The following PTPRQ variants were observed in gnomAD, a reference collection of about 807,000 sequenced individuals.
PTPRQ encodes the protein protein tyrosine phosphatase receptor type Q.
PTPRQ carries 199 observed loss-of-function variants against 246.0 expected under a neutral mutation model. The ratio of observed to expected loss-of-function variants is 0.81; its 90% CI spans 0.72 to 0.91. PTPRQ has a LOEUF of 0.91. PTPRQ is among the 40% of genes least tolerant of loss of function. The pLI, the probability that PTPRQ is intolerant of heterozygous loss-of-function variation, is 0.00. For missense variants in PTPRQ, 2,624 were observed against 2,528.4 expected (o/e 1.04, Z -0.81); for synonymous variants, 869 against 853.2 (o/e 1.02, Z -0.32).
chr12:80,639,817 G>A (rs1899790132), intron 35 of PTPRQ, among the ~76,000 whole-genome samples: 1 of 152,148 alleles, frequency 6.6e-6, no homozygotes, highest in African/African-American at 2.4e-5. Flanking sequence ...AATAGCTACT[G>A]TTTATGAGCA....
chr12:80,665,705 A>G (rs1900765112), intron 39 of PTPRQ, among the ~76,000 whole-genome samples: 1 of 152,056 alleles, frequency 6.6e-6, no homozygotes, highest in Non-Finnish European at 1.5e-5. Context: ...TATTCATCCA[A>G]CAAGGGATTA....
At position 80,463,238 on chromosome 12, in the gene PTPRQ, A is replaced by G. The variant is rs1020690529; in HGVS notation, c.910+2336A>G. Reference sequence around the variant, plus strand: ...GAAGAATGCAGAAGCATCAGGAGCCAATGCAATCAACTGGGAGAAAGGGTA... The same window carrying G: ...GAAGAATGCAGAAGCATCAGGAGCCGATGCAATCAACTGGGAGAAAGGGTA... On this transcript the variant is annotated intron_variant, in intron 6 of 44. Transcript: ENST00000644991. Among the ~76,000 whole-genome samples, 11 of 152,230 alleles carry G rather than the reference A, an allele frequency of 7.2e-5. No individual in the cohort carries two copies. The East Asian group carries it at 1.5e-3, about 21-fold the overall frequency.
intron 14 of PTPRQ, among the ~76,000 whole-genome samples, chr12:80,498,513 A>G (rs754678388): frequency 2.2e-4 from 33 of 152,056 alleles, no homozygotes; most frequent in Non-Finnish European, 4.4e-4. Flanking sequence ...GCCTAATGGC[A>G]CCAGCTGGAA....
intron 38 of PTPRQ, among the ~76,000 whole-genome samples, chr12:80,654,195 A>T (rs1223894580): frequency 6.6e-6 from 1 of 152,014 alleles, no homozygotes; most frequent in Non-Finnish European, 1.5e-5. Flanking sequence ...TCCTGGGTTC[A>T]AGCAATCTCC....
intron 35 of PTPRQ, among the ~76,000 whole-genome samples, chr12:80,635,931 T>C (rs1168392161): frequency 1.3e-5 from 2 of 152,212 alleles, no homozygotes; most frequent in Non-Finnish European, 2.9e-5. Flanking sequence ...TGGCATCAAA[T>C]GTCTTGGACT....
chr12:80,548,731 A>G (rs894478978), intron 24 of PTPRQ, among the ~76,000 whole-genome samples: 6 of 152,116 alleles, frequency 3.9e-5, no homozygotes, highest in African/African-American at 1.2e-4. Flanking sequence ...TAATGCCACC[A>G]TTAGGGGACA....
intron 8 of PTPRQ, among the ~76,000 whole-genome samples, chr12:80,483,086 T>C (rs1894131400): frequency 8.0e-6 from 1 of 124,692 alleles, no homozygotes; most frequent in African/African-American, 3.4e-5. Context: ...CGTATGTTTA[T>C]TGTGGCACTA....
At chr12:80,483,901 A>G (rs1321041045) in intron 8 of PTPRQ, among the ~76,000 whole-genome samples, 1 of 152,188 alleles carries the variant, frequency 6.6e-6, no homozygotes, top group Non-Finnish European at 1.5e-5. Context: ...ATGTCCCTGC[A>G]AAGGACATGA....
At position 80,463,364 on chromosome 12, in the gene PTPRQ, A is replaced by G. The variant is rs184104829; in HGVS notation, c.910+2462A>G. ...CAAACCCTCCAAGAAATACGGGACT[A>G]TGTGAAAAGACCAAATCTACGTATG... On this transcript the variant is annotated intron_variant, in intron 6 of 44. Transcript: ENST00000644991. Among the ~76,000 whole-genome samples the G allele has an allele frequency of 5.1e-3, 780 of 152,348 alleles. 8 individuals carry two copies. The highest frequency in any genetic ancestry group is 0.018 in the African/African-American group (740 of 41,570).
At position 80,462,082 on chromosome 12, in the gene PTPRQ, C is replaced by T. The variant is rs1038545363; in HGVS notation, c.910+1180C>T. 1.8e-5 allele frequency: 12 copies of T among 665,970 alleles called. No individual in the cohort carries two copies. In the African/African-American group the frequency reaches 2.2e-4, roughly 12 times the overall value. The allele number at this position is 665,970 out of a possible 1,614,324, so 41.3% of individuals were successfully genotyped here. A position where few individuals can be genotyped will look rare whatever the true frequency, so the allele number is the denominator to read the frequency against. ...GAGGCATTGCCTCACTTGGGGAGCACAAGGGGTCAGGGAGTTCCCTTTCCT... is the reference window on the plus strand; with the variant it reads ...GAGGCATTGCCTCACTTGGGGAGCATAAGGGGTCAGGGAGTTCCCTTTCCT... On this transcript the variant is annotated intron_variant, in intron 6 of 44. Coordinates refer to ENST00000644991, the MANE Select transcript of PTPRQ (RefSeq NM_001145026.2).
chr12:80,635,203 G>C, intron 35 of PTPRQ, 130 bp downstream of exon 35: 3 of 1,362,704 alleles, frequency 2.2e-6, no homozygotes, highest in Non-Finnish European at 2.9e-6. Context: ...CTTTCAAAGA[G>C]TGACCTCCGT....
At chr12:80,581,545 G>A (rs1347655573) in intron 25 of PTPRQ, among the ~76,000 whole-genome samples, 3 of 152,032 alleles carry the variant, frequency 2.0e-5, no homozygotes, top group African/African-American at 7.3e-5. Context: ...TGGGTTGGGA[G>A]GGTCATATGA....
intron 25 of PTPRQ, among the ~76,000 whole-genome samples, chr12:80,575,706 G>A (rs997356501): frequency 1.3e-5 from 2 of 151,826 alleles, no homozygotes; most frequent in Admixed American, 1.3e-4. Flanking sequence ...AGGTGTGGTG[G>A]CACATGCCTG....
chr12:80,559,591 C>T (rs1353771873), intron 25 of PTPRQ, among the ~76,000 whole-genome samples: 25 of 151,870 alleles, frequency 1.6e-4, no homozygotes, highest in Admixed American at 1.6e-3. Context: ...AATAATGTTC[C>T]AATTTAAGTT....
intron 6 of PTPRQ, among the ~76,000 whole-genome samples, chr12:80,461,690 T>C (rs1239295821): frequency 6.7e-6 from 1 of 150,224 alleles, no homozygotes; most frequent in African/African-American, 2.4e-5. Context: ...ATTTCTGAGG[T>C]ATTGAAAATT....
intron 29 of PTPRQ, 52 bp from the exon 30 acceptor site, chr12:80,616,148 C>T (rs1158628555): frequency 3.8e-6 from 5 of 1,329,388 alleles, no homozygotes; most frequent in South Asian, 1.7e-5. Flanking sequence ...TATATACACA[C>T]ACATACATAA....
chr12:80,656,635 G>T (rs113047748), intron 38 of PTPRQ, among the ~76,000 whole-genome samples: 1 of 152,070 alleles, frequency 6.6e-6, no homozygotes, highest in Non-Finnish European at 1.5e-5. Context: ...AATGAGTACA[G>T]GGTATCTAGT....
At chr12:80,465,219 A>G (rs1313941460) in intron 6 of PTPRQ, 1 of 152,134 alleles carries the variant, frequency 6.6e-6, no homozygotes, top group East Asian at 1.9e-4. Flanking sequence ...AGAGAATACT[A>G]CAAACACCTC....
intron 33 of PTPRQ, among the ~76,000 whole-genome samples, chr12:80,624,095 C>T (rs748882128): frequency 8.5e-5 from 13 of 152,116 alleles, no homozygotes; most frequent in Non-Finnish European, 1.8e-4. Context: ...AGTATAACCA[C>T]TGCCACCCCA....
Sources: allele counts gnomAD v4.1 joint callset (sites outside exome capture counted in the v4.1 genomes callset), GRCh38; gene constraint gnomAD v4.1.1; transcripts MANE v1.5; gene names NCBI Gene and HGNC (gene_info 2026-07-23, HGNC 2026-07-21).